Variants in ERAP1 observed in about 807,000 individuals in gnomAD.
ERAP1 encodes endoplasmic reticulum aminopeptidase 1.
ERAP1 carries 86 observed loss-of-function variants against 103.7 expected under a neutral mutation model. That is an observed-to-expected ratio of 0.83 (90% CI 0.70 to 0.99). The LOEUF is 0.99. ERAP1 is among the 50% of genes least tolerant of loss of function. The probability of loss-of-function intolerance (pLI) is 0.00; values close to 1 mark genes in which losing one functional copy is unlikely to be tolerated. For missense variants in ERAP1, 1,009 were observed against 1,128.4 expected, an observed-to-expected ratio of 0.89 and a Z score of 1.52; for synonymous variants, 398 against 402.4, an observed-to-expected ratio of 0.99 and a Z score of 0.13.
At chr5:96,786,682 A>G in intron 11 of ERAP1, 133 bp from the exon 12 acceptor site, 1 of 655,316 alleles carries the variant, frequency 1.5e-6, no homozygotes. Context: ...CCAAGCTCTC[A>G]AAACATCCCC....
the ERAP1 span, among the ~76,000 whole-genome samples, chr5:96,864,317 T>A: frequency 6.6e-6 from 1 of 152,230 alleles, no homozygotes; most frequent in East Asian, 1.9e-4. Flanking sequence ...GTGCTAAATA[T>A]GTCAAAGCCA....
chr5:96,793,736 T>C, intron 6 of ERAP1, 67 bp downstream of exon 6: 1 of 1,399,626 alleles, frequency 7.1e-7, no homozygotes, highest in South Asian at 1.3e-5. Flanking sequence ...ATAAATAGCC[T>C]TATATGTCCC....
chr5:96,847,857 C>T, the ERAP1 span, among the ~76,000 whole-genome samples: 1 of 152,112 alleles, frequency 6.6e-6, no homozygotes, highest in Non-Finnish European at 1.5e-5. Context: ...TAAATGCCAA[C>T]ACCAAAGAGT....
the ERAP1 span, chr5:96,822,852 T>C: frequency 3.5e-6 from 1 of 287,864 alleles, no homozygotes; most frequent in Non-Finnish European, 7.0e-6. Flanking sequence ...TCTGAGGGCC[T>C]TGAGTCCAGG....
chr5:96,833,304 C>T, the ERAP1 span, among the ~76,000 whole-genome samples: 1 of 152,166 alleles, frequency 6.6e-6, no homozygotes, highest in African/African-American at 2.4e-5. Flanking sequence ...TATGCTTCTC[C>T]AGTGGATGGG....
At chr5:96,913,311 C>T in the ERAP1 span, 2 of 1,611,582 alleles carry the variant, frequency 1.2e-6, no homozygotes, top group South Asian at 1.1e-5. Context: ...ATTTTTCTTT[C>T]TTCAGGTTAA....
At chr5:96,838,248 G>C in the ERAP1 span, among the ~76,000 whole-genome samples, 2 of 152,104 alleles carry the variant, frequency 1.3e-5, no homozygotes, top group Non-Finnish European at 2.9e-5. Flanking sequence ...CTGGGTTGTC[G>C]AATGGGTTAC....
the ERAP1 span, chr5:96,909,139 T>C: frequency 6.8e-6 from 11 of 1,609,528 alleles, no homozygotes; most frequent in African/African-American, 2.7e-5. Flanking sequence ...TTTTAGAAAA[T>C]GTATTAAGTA....
the ERAP1 span, among the ~76,000 whole-genome samples, chr5:96,906,957 G>A: frequency 6.6e-6 from 1 of 152,202 alleles, no homozygotes; most frequent in Admixed American, 6.5e-5. Flanking sequence ...GAACCCGGGA[G>A]GCAGAGGTTG....
chr5:96,866,641 A>G, the ERAP1 span, among the ~76,000 whole-genome samples: 3 of 152,154 alleles, frequency 2.0e-5, no homozygotes, highest in Non-Finnish European at 4.4e-5. Flanking sequence ...CATTACAGCC[A>G]CAAGAAACTT....
chr5:96,774,618 C>CAATA lies in ERAP1; in HGVS notation c.*1774_*1777dup. 1.0e-6 allele frequency: 1 copy of CAATA among 985,346 alleles called. No individual in the cohort carries two copies. The highest frequency in any genetic ancestry group is 6.1e-5 in the Admixed American group (1 of 16,270). The allele number at this position is 985,346 out of a possible 1,614,324, so 61.0% of individuals were successfully genotyped here. On this transcript the variant is annotated 3_prime_UTR_variant, in exon 19 of 19. Coordinates refer to ENST00000443439, the MANE Select transcript of ERAP1 (RefSeq NM_001040458.3). ...TCCTCAGGTGACCAAAACTGAAAAT[C>CAATA]AATATTTCCATGTTTCATTAATCAA...
chr5:96,811,682 C>T (rs557509938), upstream of ERAP1, among the ~76,000 whole-genome samples: 1 of 152,310 alleles, frequency 6.6e-6, no homozygotes, highest in South Asian at 2.1e-4. Flanking sequence ...ACTATGGGAG[C>T]GAGCAATGTA....
the ERAP1 span, among the ~76,000 whole-genome samples, chr5:96,819,050 C>T: frequency 6.6e-6 from 1 of 152,094 alleles, no homozygotes; most frequent in Non-Finnish European, 1.5e-5. Flanking sequence ...CTCAGCCTCC[C>T]GAGTAGCTGG....
Position 96,775,907 on chromosome 5 carries a change from G to T in ERAP1, c.*489C>A. 1 of 975,488 alleles carries T rather than the reference G, an allele frequency of 1.0e-6. No homozygotes were observed. The highest frequency in any genetic ancestry group is 1.2e-6 in the Non-Finnish European group (1 of 815,112). 60.4% of individuals were successfully genotyped at this position (975,488 alleles called of 1,614,324 possible). ...CTTGGCCTTTACAAGTCAGCCCCTG[G>T]GCATGGAGCAAGGAAGAGGGATGGG... On this transcript the variant is annotated 3_prime_UTR_variant, in exon 19 of 19. Transcript: ENST00000443439.
At chr5:96,763,087 C>T in exon 20 of ERAP1, 2 of 773,728 alleles carry the variant, frequency 2.6e-6, no homozygotes, top group South Asian at 1.4e-5. Flanking sequence ...AGAACAGTGC[C>T]TCATTTGCTA....
chr5:96,797,173 A>T lies in ERAP1; in HGVS notation c.798+2T>A. Reference sequence around the variant, plus strand: ...CACCATATGTGACAGTCATAGGCTCACCTTGACTCCACTCTTGGTTATCTT... The same window carrying T: ...CACCATATGTGACAGTCATAGGCTCTCCTTGACTCCACTCTTGGTTATCTT... On this transcript the variant is annotated splice_donor_variant, in intron 4 of 18. Transcript: ENST00000443439. LOFTEE classifies it high-confidence loss of function. The T allele has an allele frequency of 6.2e-7, 1 of 1,614,072 alleles. No individual in the cohort carries two copies. Among genetic ancestry groups the T allele is most frequent in the African/African-American group, 1.3e-5 (1 of 75,046 alleles).
chr5:96,887,758 A>G, the ERAP1 span, among the ~76,000 whole-genome samples: 1 of 152,258 alleles, frequency 6.6e-6, no homozygotes, highest in African/African-American at 2.4e-5. Flanking sequence ...TAAATAAAAA[A>G]GAACTTCTTA....
At chr5:96,841,752 T>C in the ERAP1 span, among the ~76,000 whole-genome samples, 6 of 149,470 alleles carry the variant, frequency 4.0e-5, no homozygotes, top group East Asian at 5.8e-4. Flanking sequence ...TTCTTCTTTT[T>C]TTTTTTTTTT....
chr5:96,816,922 A>G, the ERAP1 span, among the ~76,000 whole-genome samples: 1 of 152,216 alleles, frequency 6.6e-6, no homozygotes, highest in Non-Finnish European at 1.5e-5. Context: ...ACCAAACTCC[A>G]GGGGCAAAAG....
Sources: gnomAD v4.1 joint callset for allele counts (sites outside exome capture counted in the v4.1 genomes callset) on GRCh38, gnomAD v4.1.1 for gene constraint, MANE v1.5 for transcripts, NCBI Gene and HGNC (gene_info 2026-07-23, HGNC 2026-07-21) for gene names.